PREX2: variants seen among roughly 807,000 people sequenced by gnomAD.
The protein encoded by PREX2 is phosphatidylinositol 3,4,5-trisphosphate-dependent Rac exchanger 2 protein.
In PREX2, 107 loss-of-function variants were observed where a neutral mutation model predicts 203.2. The observed-to-expected ratio is 0.53, with a 90% CI of 0.45 to 0.62. The LOEUF is 0.62. PREX2 is among the 20% of genes least tolerant of loss of function. The probability of loss-of-function intolerance (pLI) is 0.00; values close to 1 mark genes in which losing one functional copy is unlikely to be tolerated. For synonymous variants in PREX2, 672 were observed against 663.6 expected (o/e 1.01, Z -0.19); for missense variants, 1,777 against 1,955.9 (o/e 0.91, Z 1.72).
intron 23 of PREX2, chr8:68,100,260 A>C (rs1164882941): frequency 4.5e-6 from 2 of 447,068 alleles, no homozygotes; most frequent in Non-Finnish European, 8.9e-6. Flanking sequence ...AAATTAATTG[A>C]TTAAGTCATT....
intron 6 of PREX2, among the ~76,000 whole-genome samples, chr8:68,037,675 T>C (rs1436741375): frequency 6.6e-6 from 1 of 152,178 alleles, no homozygotes; most frequent in African/African-American, 2.4e-5. Flanking sequence ...CTTTAAATAA[T>C]TTTTCTCTTT....
chr8:68,157,587 T>C (rs1223467836), intron 35 of PREX2, 151 bp downstream of exon 35: 1 of 461,156 alleles, frequency 2.2e-6, no homozygotes, highest in East Asian at 3.3e-5. Flanking sequence ...ATTTTAAATA[T>C]TCTAATTTGT....
intron 13 of PREX2, 35 bp downstream of exon 13, chr8:68,069,919 T>C (rs778619951): frequency 7.3e-6 from 9 of 1,224,724 alleles, no homozygotes; most frequent in Non-Finnish European, 1.1e-5. Flanking sequence ...GAAACTTAAA[T>C]GGAAATATTT....
chr8:68,091,887 C>G (rs908248954), intron 20 of PREX2, among the ~76,000 whole-genome samples: 57 of 152,310 alleles, frequency 3.7e-4, no homozygotes, highest in African/African-American at 1.4e-3. Context: ...GAAAAATCCA[C>G]TAACATGCTC....
intron 4 of PREX2, among the ~76,000 whole-genome samples, chr8:68,025,211 T>A (rs1007131131): frequency 6.6e-6 from 1 of 151,944 alleles, no homozygotes; most frequent in African/African-American, 2.4e-5. Context: ...TTATTTTTTT[T>A]AAATCTGCGA....
At chr8:68,014,457 G>A (rs560905380) in intron 1 of PREX2, among the ~76,000 whole-genome samples, 2 of 151,882 alleles carry the variant, frequency 1.3e-5, no homozygotes, top group South Asian at 4.2e-4. Context: ...CGGGGGGGGC[G>A]GCATATGTGA....
chr8:68,178,871 G>T (rs1812032558), intron 35 of PREX2, among the ~76,000 whole-genome samples: 1 of 152,036 alleles, frequency 6.6e-6, no homozygotes, highest in East Asian at 1.9e-4. Context: ...AAGTTGTATT[G>T]CAATCAATAA....
At chr8:68,054,335 A>G (rs1946667) in intron 9 of PREX2, among the ~76,000 whole-genome samples, 88,316 of 150,518 alleles carry the variant, frequency 0.59, 27,891 homozygotes, top group African/African-American at 0.83. Flanking sequence ...TTTCAATCAA[A>G]TTGAACCTTT....
At chr8:67,952,884 G>T (rs900866080) in intron 1 of PREX2, among the ~76,000 whole-genome samples, 13 of 152,128 alleles carry the variant, frequency 8.5e-5, no homozygotes, top group African/African-American at 1.9e-4. Flanking sequence ...CTGTGTAATT[G>T]ATTTTCCTTC....
At chr8:68,078,505 G>A (rs1258038968) in intron 15 of PREX2, among the ~76,000 whole-genome samples, 1 of 152,114 alleles carries the variant, frequency 6.6e-6, no homozygotes, top group African/African-American at 2.4e-5. Context: ...ACATATATTT[G>A]ATAGCACTTA....
intron 34 of PREX2, among the ~76,000 whole-genome samples, chr8:68,156,910 C>T (rs756291543): frequency 9.9e-5 from 15 of 152,230 alleles, no homozygotes; most frequent in Middle Eastern, 3.4e-3. Flanking sequence ...AACTTCTACT[C>T]GGTTTTCAGA....
At chr8:68,215,976 T>A (rs1243783102) in intron 37 of PREX2, among the ~76,000 whole-genome samples, 3 of 152,228 alleles carry the variant, frequency 2.0e-5, no homozygotes, top group Non-Finnish European at 4.4e-5. Context: ...GTGAACATCA[T>A]GTACAACTAG....
At chr8:68,038,380 C>G in intron 7 of PREX2, 88 bp downstream of exon 7, 1 of 1,336,278 alleles carries the variant, frequency 7.5e-7, no homozygotes, top group Non-Finnish European at 1.0e-6. Context: ...ATCCAGCTCA[C>G]AGTTTCTACC....
At chr8:68,013,975 C>A (rs1300417494) in intron 1 of PREX2, among the ~76,000 whole-genome samples, 1 of 152,116 alleles carries the variant, frequency 6.6e-6, no homozygotes, top group African/African-American at 2.4e-5. Context: ...TGAGAACGAT[C>A]TACTATGTGT....
At position 68,037,063 on chromosome 8, in the gene PREX2, TGTTA is replaced by T. The variant is rs1808055889; in HGVS notation, c.706-1092_706-1089del. Among the ~76,000 whole-genome samples, 3 of 152,224 alleles carry T rather than the reference TGTTA, an allele frequency of 2.0e-5. No individual in the cohort carries two copies. In the South Asian group the frequency reaches 6.2e-4, roughly 31 times the overall value. ...TGGAAGTTTGAGTTGTCGTTGTAGG[TGTTA>T]GTTGTCATTTTAATTTAAATTTTTA... is the stretch of plus-strand genomic sequence containing the variant. On this transcript the variant is annotated intron_variant, in intron 6 of 39. Transcript: ENST00000288368.
At chr8:68,199,726 AC>A (rs1812466376) in intron 37 of PREX2, among the ~76,000 whole-genome samples, 1 of 152,132 alleles carries the variant, frequency 6.6e-6, no homozygotes, top group Non-Finnish European at 1.5e-5. Context: ...CAATTTAAAA[AC>A]CCACTTTTGT....
chr8:68,229,305 T>TG (rs1462571803), intron 39 of PREX2, among the ~76,000 whole-genome samples: 1 of 151,864 alleles, frequency 6.6e-6, no homozygotes, highest in African/African-American at 2.4e-5. Context: ...CTGATGTGAG[T>TG]GGAATGAGTA....
chr8:68,101,405 A>G (rs1468464970), intron 23 of PREX2: 6 of 518,822 alleles, frequency 1.2e-5, no homozygotes, highest in African/African-American at 1.2e-4. Flanking sequence ...AGTTACTCAC[A>G]TGAAGAAAAC....
chr8:68,116,903 G>A lies in PREX2; in HGVS notation c.3326+971G>A, dbSNP rs140888504. On this transcript the variant is annotated intron_variant, in intron 26 of 39. Coordinates refer to ENST00000288368, the MANE Select transcript of PREX2 (RefSeq NM_024870.4). ...AGACTTCCAAATGATGTCTCCTCAC[G>A]TGAACTTCCTTAATTCAAACTACTT... Among the ~76,000 whole-genome samples the A allele has an allele frequency of 4.1e-3, 617 of 152,200 alleles. 3 individuals carry two copies. Among genetic ancestry groups the A allele is most frequent in the African/African-American group, 0.014 (569 of 41,516 alleles).
Sources: allele counts gnomAD v4.1 joint callset (sites outside exome capture counted in the v4.1 genomes callset), GRCh38; gene constraint gnomAD v4.1.1; transcripts MANE v1.5; gene names NCBI Gene and HGNC (gene_info 2026-07-23, HGNC 2026-07-21).